RALGAPA2: variants seen among roughly 807,000 people sequenced by gnomAD.
RALGAPA2 encodes Ral GTPase activating protein catalytic subunit alpha 2, also known as ral GTPase-activating protein subunit alpha-2.
Under a neutral mutation model 230.4 loss-of-function variants are expected in RALGAPA2, and 139 were observed. That is an observed-to-expected ratio of 0.60 (90% CI 0.53 to 0.69). RALGAPA2 has a LOEUF of 0.69. RALGAPA2 is among the 30% of genes least tolerant of loss of function. The pLI is 0.00. For missense variants in RALGAPA2, 2,163 were observed against 2,276.0 expected, an observed-to-expected ratio of 0.95 and a Z score of 1.01; for synonymous variants, 847 against 837.8, an observed-to-expected ratio of 1.01 and a Z score of -0.19.
intron 37 of RALGAPA2, chr20:20,471,322 TATA>T (rs1186362019): frequency 6.6e-6 from 1 of 152,076 alleles, no homozygotes; most frequent in African/African-American, 2.4e-5. Flanking sequence ...GCAAGTATTT[TATA>T]ATGAGAAGTT....
intron 37 of RALGAPA2, among the ~76,000 whole-genome samples, chr20:20,426,043 G>A (rs2060376608): frequency 6.6e-6 from 1 of 152,168 alleles, no homozygotes; most frequent in East Asian, 1.9e-4. Flanking sequence ...CTGTAGGCAT[G>A]GCTGGGCCCC....
intron 34 of RALGAPA2, 151 bp downstream of exon 34, chr20:20,505,260 G>A: frequency 8.1e-7 from 1 of 1,227,228 alleles, no homozygotes; most frequent in Non-Finnish European, 1.0e-6. Flanking sequence ...GCAACTAACA[G>A]ATGTCAAATC....
chr20:20,512,759 G>A lies in RALGAPA2; in HGVS notation c.4610C>T (p.Pro1537Leu), dbSNP rs577898513. The A allele has an allele frequency of 5.0e-6, 8 of 1,613,732 alleles. No homozygotes were observed. The highest frequency in any genetic ancestry group is 1.3e-5 in the African/African-American group (1 of 75,018). ...AGGTTCATTTAGATTTAGCTGTGAC[G>A]GTAAAAGGCATTCAGGACTTGTATG... ...IGHTSPECLL[P>L]SQLNLNEPSL... Residue 1537 changes from proline (P) to leucine (L), a missense_variant, in exon 32 of 40, where the codon CCG (proline) becomes CTG (leucine). Coordinates refer to ENST00000202677, the MANE Select transcript of RALGAPA2 (RefSeq NM_020343.4).
At chr20:20,585,221 T>C (rs144461799) in intron 18 of RALGAPA2, among the ~76,000 whole-genome samples, 11 of 152,328 alleles carry the variant, frequency 7.2e-5, no homozygotes, top group South Asian at 4.1e-4. Flanking sequence ...TGCTAAATTA[T>C]ATGGAAGGAA....
At chr20:20,497,461 G>A (rs2062241337) in intron 35 of RALGAPA2, among the ~76,000 whole-genome samples, 1 of 152,148 alleles carries the variant, frequency 6.6e-6, no homozygotes, top group African/African-American at 2.4e-5. Context: ...GCTTCAGGGT[G>A]GCTCTGGGTC....
At chr20:20,589,239 C>G (rs2065217746) in intron 18 of RALGAPA2, 29 bp downstream of exon 18, 1 of 1,526,268 alleles carries the variant, frequency 6.6e-7, no homozygotes, top group Non-Finnish European at 8.8e-7. Flanking sequence ...TTTTTAATGA[C>G]AAACTGAAAT....
chr20:20,598,065 T>C (rs550618339), intron 16 of RALGAPA2, among the ~76,000 whole-genome samples: 1 of 152,198 alleles, frequency 6.6e-6, no homozygotes, highest in Non-Finnish European at 1.5e-5. Flanking sequence ...CTATGATATC[T>C]TAATAAAAAA....
At chr20:20,520,721 T>G (rs1157064078) in intron 31 of RALGAPA2, among the ~76,000 whole-genome samples, 196 bp downstream of exon 31, 1 of 151,912 alleles carries the variant, frequency 6.6e-6, no homozygotes, top group African/African-American at 2.4e-5. Context: ...ACAAAAACCA[T>G]TTGAACTACT....
At chr20:20,416,812 G>T (rs536921384) in intron 37 of RALGAPA2, among the ~76,000 whole-genome samples, 2 of 152,338 alleles carry the variant, frequency 1.3e-5, no homozygotes, top group African/African-American at 4.8e-5. Flanking sequence ...GTTGCAGACT[G>T]TATTTTTTCA....
At chr20:20,477,680 G>A (rs964985816) in intron 36 of RALGAPA2, among the ~76,000 whole-genome samples, 2 of 152,072 alleles carry the variant, frequency 1.3e-5, no homozygotes, top group East Asian at 1.9e-4. Flanking sequence ...CCGCCTCCCC[G>A]GTTCAAGCAA....
At chr20:20,458,067 G>A (rs1256014713) in intron 37 of RALGAPA2, among the ~76,000 whole-genome samples, 4 of 152,328 alleles carry the variant, frequency 2.6e-5, no homozygotes, top group Non-Finnish European at 5.9e-5. Context: ...GGAGACTGGG[G>A]AGGAGGCCAC....
At chr20:20,517,188 A>T (rs934544735) in intron 31 of RALGAPA2, among the ~76,000 whole-genome samples, 9 of 152,244 alleles carry the variant, frequency 5.9e-5, no homozygotes, top group Admixed American at 5.9e-4. Flanking sequence ...CACAAGAGGC[A>T]GAGTCACAAT....
At chr20:20,682,628 T>C (rs2068559841) in intron 1 of RALGAPA2, among the ~76,000 whole-genome samples, 2 of 152,246 alleles carry the variant, frequency 1.3e-5, no homozygotes, top group South Asian at 2.1e-4. Context: ...ATTGAATTCC[T>C]GACTTAATTC....
At chr20:20,458,760 A>ATATATATATATACACC (rs1569417958) in intron 37 of RALGAPA2, among the ~76,000 whole-genome samples, 141 of 8,166 alleles carry the variant, frequency 0.017, 5 homozygotes, top group African/African-American at 0.038. Context: ...ATACACACCT[A>ATATATATATATACACC]TATATATATA....
At chr20:20,412,206 CAG>C in intron 37 of RALGAPA2, 58 bp from the exon 38 acceptor site, 1 of 1,599,904 alleles carries the variant, frequency 6.3e-7, no homozygotes, top group African/African-American at 1.3e-5. Flanking sequence ...AGAGCAGTGA[CAG>C]AATTCACTTT....
intron 12 of RALGAPA2, among the ~76,000 whole-genome samples, chr20:20,618,658 G>C (rs1015979880): frequency 6.6e-6 from 1 of 152,088 alleles, no homozygotes; most frequent in Admixed American, 6.5e-5. Flanking sequence ...AGTGAGCAGG[G>C]AATGAGAGGC....
At chr20:20,442,255 T>C (rs1287643441) in intron 37 of RALGAPA2, among the ~76,000 whole-genome samples, 1 of 152,248 alleles carries the variant, frequency 6.6e-6, no homozygotes, top group Non-Finnish European at 1.5e-5. Flanking sequence ...AAAATATTTA[T>C]CACATCGTAC....
At chr20:20,678,853 T>C (rs1372597906) in intron 2 of RALGAPA2, among the ~76,000 whole-genome samples, 1 of 152,020 alleles carries the variant, frequency 6.6e-6, no homozygotes. Context: ...CCGCACTCAC[T>C]AACAACCACA....
intron 23 of RALGAPA2, among the ~76,000 whole-genome samples, chr20:20,567,612 C>T (rs1368184990): frequency 6.6e-6 from 1 of 152,094 alleles, no homozygotes; most frequent in African/African-American, 2.4e-5. Context: ...ATAAGCCAAG[C>T]CTGTATGTGA....
Sources: gnomAD v4.1 joint callset for allele counts (sites outside exome capture counted in the v4.1 genomes callset) on GRCh38, gnomAD v4.1.1 for gene constraint, MANE v1.5 for transcripts, NCBI Gene and HGNC (gene_info 2026-07-23, HGNC 2026-07-21) for gene names.